The following FCRL5 variants were observed in gnomAD, a reference collection of about 807,000 sequenced individuals.
FCRL5 encodes the protein Fc receptor-like protein 5.
A neutral mutation model predicts 92.1 loss-of-function variants in FCRL5; 79 were observed. That is an observed-to-expected ratio of 0.86 (90% CI 0.72 to 1.03). FCRL5 has a LOEUF of 1.03. Ranked by LOEUF, FCRL5 falls within the 50% of genes least tolerant of loss-of-function variation. The pLI is 0.00. For missense variants in FCRL5, 1,160 were observed against 1,181.1 expected (o/e 0.98, Z 0.26); for synonymous variants, 466 against 469.3 (o/e 0.99, Z 0.09).
Position 157,534,138 on chromosome 1 carries a change from C to T in FCRL5, c.1681+476G>A, listed in dbSNP as rs1010985411. 4 of 344,748 alleles carry T rather than the reference C, an allele frequency of 1.2e-5. No individual in the cohort carries two copies. In the Admixed American group the frequency reaches 1.6e-4, roughly 14 times the overall value. The allele number at this position is 344,748 out of a possible 1,614,324, so 21.4% of individuals were successfully genotyped here. ...TAGAAAACAAGGGATCATAAAAACT[C>T]CAGAAGTTTGAGGAGTTGGTTCCTA... On this transcript the variant is annotated intron_variant, in intron 8 of 16. Coordinates refer to ENST00000361835, the MANE Select transcript of FCRL5 (RefSeq NM_031281.3).
At chr1:157,518,919 A>G in intron 13 of FCRL5, 137 bp from the exon 14 acceptor site, 1 of 596,612 alleles carries the variant, frequency 1.7e-6, no homozygotes. Flanking sequence ...CAAACTGACC[A>G]TGGGCATTCT....
At chr1:157,518,362 G>T in intron 15 of FCRL5, 67 bp downstream of exon 15, 1 of 1,366,948 alleles carries the variant, frequency 7.3e-7, no homozygotes, top group Non-Finnish European at 1.0e-6. Flanking sequence ...TCTGCTGAGT[G>T]GGTAGAAACT....
chr1:157,539,320 G>C lies in FCRL5; in HGVS notation c.1168C>G (p.Leu390Val), dbSNP rs749537791. The change falls in exon 7 of 17, where the codon CTG becomes GTG. Residue 390 changes from leucine (L) to valine (V), a missense_variant. Transcript: ENST00000361835. Reference protein sequence around the residue: ...PVLNLSSPEDLIFEGAKVTLH... With the variant: ...PVLNLSSPEDVIFEGAKVTLH... Reference sequence around the variant, plus strand: ...GTCACCTTGGCTCCCTCAAAAATCAGGTCCTCAGGAGAGCTGAGGTTGAGG... The same window carrying C: ...GTCACCTTGGCTCCCTCAAAAATCACGTCCTCAGGAGAGCTGAGGTTGAGG... 6 of 1,614,078 alleles carry C rather than the reference G, an allele frequency of 3.7e-6. No homozygotes were observed. Among genetic ancestry groups the C allele is most frequent in the Non-Finnish European group, 5.1e-6 (6 of 1,179,990 alleles).
At chr1:157,532,879 G>A (rs1650762037) in intron 8 of FCRL5, 1 of 151,054 alleles carries the variant, frequency 6.6e-6, no homozygotes, top group Admixed American at 6.6e-5. Flanking sequence ...ACATCTTGTT[G>A]GGCTAGATTT....
At chr1:157,528,365 A>G (rs897393091) in intron 8 of FCRL5, 1 of 152,350 alleles carries the variant, frequency 6.6e-6, no homozygotes, top group African/African-American at 2.4e-5. Flanking sequence ...GGTAGAATCA[A>G]TATTGTGAAA....
intron 7 of FCRL5, among the ~76,000 whole-genome samples, chr1:157,535,747 G>A (rs1188871291): frequency 3.9e-5 from 6 of 152,096 alleles, no homozygotes; most frequent in Non-Finnish European, 7.4e-5. Context: ...AAGACACTAA[G>A]TTAATCATCA....
intron 12 of FCRL5, among the ~76,000 whole-genome samples, chr1:157,520,036 C>A (rs760866738): frequency 1.3e-5 from 2 of 152,192 alleles, no homozygotes; most frequent in Non-Finnish European, 2.9e-5. Context: ...GGAAAACAGA[C>A]TTGATCAACT....
At chr1:157,539,057 T>A (rs917656237) in intron 7 of FCRL5, 29 bp downstream of exon 7, 29 of 1,604,236 alleles carry the variant, frequency 1.8e-5, no homozygotes, top group African/African-American at 4.0e-5. Context: ...TGGCCAGGGG[T>A]GGGTGATTGG....
At chr1:157,519,640 G>A (rs1210503366) in intron 13 of FCRL5, 103 bp downstream of exon 13, 11 of 1,309,024 alleles carry the variant, frequency 8.4e-6, no homozygotes, top group African/African-American at 4.4e-5. Context: ...CAGCTCAGCA[G>A]CACCTGGCAG....
In FCRL5 at chr1:157,520,566, G is replaced by GT; in HGVS notation, c.2516-20dup. 1 of 1,566,658 alleles carries GT rather than the reference G, an allele frequency of 6.4e-7. No homozygotes were observed. The highest frequency in any genetic ancestry group is 8.7e-7 in the Non-Finnish European group (1 of 1,151,360). On this transcript the variant is annotated intron_variant, in intron 11 of 16. Coordinates refer to ENST00000361835, the MANE Select transcript of FCRL5 (RefSeq NM_031281.3). ...GTCAGCCCTGAGGGGGAGACCCTGT[G>GT]TGTGAGCCAGAGGAGAGGCTGTGGT...
chr1:157,542,764 T>A (rs1397965470), intron 6 of FCRL5, 95 bp downstream of exon 6: 8 of 1,407,340 alleles, frequency 5.7e-6, no homozygotes, highest in Non-Finnish European at 7.7e-6. Context: ...AGAAAGAAAC[T>A]GAGGATACTG....
At chr1:157,523,833 A>T (rs1331336270) in intron 10 of FCRL5, 1 of 183,162 alleles carries the variant, frequency 5.5e-6, no homozygotes, top group Non-Finnish European at 1.1e-5. Context: ...AGGATTTTTA[A>T]TGTGGAAATG....
At chr1:157,520,354 A>C (rs1337650828) in intron 12 of FCRL5, 77 bp downstream of exon 12, 4 of 1,043,684 alleles carry the variant, frequency 3.8e-6, no homozygotes, top group Non-Finnish European at 5.8e-6. Context: ...GGATGGTCAC[A>C]AAGGCAGCAT....
In FCRL5 at chr1:157,515,838, T is replaced by C. The variant is rs1478227720; in HGVS notation, c.2844+4A>G. The C allele has an allele frequency of 8.1e-6, 13 of 1,613,894 alleles. No homozygotes were observed. The highest frequency in any genetic ancestry group is 1.0e-5 in the Non-Finnish European group (12 of 1,179,998). On this transcript the variant is annotated splice_donor_region_variant and intron_variant, in intron 16 of 16. Transcript: ENST00000361835. ...GGGGAGGGCATGCAGAAGGGGAGACTCACCTTGTTCCTGAGATGCCTGGGG... is the reference window on the plus strand; with the variant it reads ...GGGGAGGGCATGCAGAAGGGGAGACCCACCTTGTTCCTGAGATGCCTGGGG...
intron 6 of FCRL5, 188 bp downstream of exon 6, chr1:157,542,671 C>A: frequency 2.8e-6 from 2 of 703,716 alleles, no homozygotes; most frequent in South Asian, 2.2e-5. Flanking sequence ...ATAAGGGCAC[C>A]TAGACTGCAA....
chr1:157,534,905 A>C lies in FCRL5; in HGVS notation c.1403-13T>G, dbSNP rs568655832. 6.6e-6 allele frequency: 10 copies of C among 1,517,930 alleles called. No individual in the cohort carries two copies. In the East Asian group the frequency reaches 9.1e-5, roughly 14 times the overall value. The allele number at this position is 1,517,930 out of a possible 1,614,324, so 94.0% of individuals were successfully genotyped here. A position where few individuals can be genotyped will look rare whatever the true frequency, so the allele number is the denominator to read the frequency against. On this transcript the variant is annotated splice_polypyrimidine_tract_variant and intron_variant, in intron 7 of 16. Transcript: ENST00000361835. ...TGAGACACAGGGACTGAGGAAGAGA[A>C]AGATTGAATCAAGAGTTGCTTTTGC...
chr1:157,538,205 G>A (rs1330769425), intron 7 of FCRL5, among the ~76,000 whole-genome samples: 1 of 152,088 alleles, frequency 6.6e-6, no homozygotes, highest in Non-Finnish European at 1.5e-5. Flanking sequence ...ACTCCCCCTG[G>A]GTTCCCTGGC....
intron 9 of FCRL5, among the ~76,000 whole-genome samples, chr1:157,526,050 A>G (rs1650411833): frequency 1.3e-5 from 2 of 152,210 alleles, no homozygotes; most frequent in East Asian, 1.9e-4. Flanking sequence ...TTTAGATAAG[A>G]GAAGAGGGCA....
At chr1:157,532,067 T>C (rs1650720112) in intron 8 of FCRL5, 1 of 152,224 alleles carries the variant, frequency 6.6e-6, no homozygotes, top group African/African-American at 2.4e-5. Context: ...TATATCAAAA[T>C]ATCAAACTGT....
Sources: gnomAD v4.1 joint callset for allele counts (sites outside exome capture counted in the v4.1 genomes callset) on GRCh38, gnomAD v4.1.1 for gene constraint, MANE v1.5 for transcripts, NCBI Gene and HGNC (gene_info 2026-07-23, HGNC 2026-07-21) for gene names.